Variants in SMURF1 observed in about 807,000 individuals in gnomAD.
The protein encoded by SMURF1 is SMAD specific E3 ubiquitin protein ligase 1.
In SMURF1, 44 loss-of-function variants were observed where a neutral mutation model predicts 98.0. The observed-to-expected ratio is 0.45, with a 90% CI of 0.35 to 0.58. SMURF1 has a LOEUF of 0.58. SMURF1 is among the 20% of genes least tolerant of loss of function. The pLI is 0.00. For synonymous variants in SMURF1, 396 were observed against 374.9 expected (o/e 1.06, Z -0.65); for missense variants, 687 against 938.4 (o/e 0.73, Z 3.50).
chr7:99,135,329 T>C (rs1563044889), intron 1 of SMURF1, among the ~76,000 whole-genome samples: 2 of 152,168 alleles, frequency 1.3e-5, no homozygotes, highest in Non-Finnish European at 2.9e-5. Context: ...TCTTCTCTCT[T>C]TTCTCTCCTC....
chr7:99,057,619 T>TTGAGATAGAA, intron 3 of SMURF1, 68 bp from the exon 4 acceptor site: 1 of 1,452,966 alleles, frequency 6.9e-7, no homozygotes, highest in Non-Finnish European at 9.0e-7. Context: ...TTTTTTTTTT[T>TTGAGATAGAA]TGAGATAGAA....
At chr7:99,039,193 CAAAAAAAAAAA>C (rs34106810) in intron 13 of SMURF1, among the ~76,000 whole-genome samples, 8 of 60,476 alleles carry the variant, frequency 1.3e-4, no homozygotes, top group South Asian at 6.5e-4. Flanking sequence ...GACTCTGTCT[CAAAAAAAAAAA>C]AAAAAAAAAA....
At chr7:99,039,352 T>G (rs924099022) in intron 13 of SMURF1, among the ~76,000 whole-genome samples, 2 of 151,986 alleles carry the variant, frequency 1.3e-5, no homozygotes, top group Admixed American at 6.5e-5. Flanking sequence ...TTCTTTTTCT[T>G]TCTTTTTTTT....
chr7:99,126,140 T>G (rs750519644), intron 1 of SMURF1, among the ~76,000 whole-genome samples: 6 of 152,202 alleles, frequency 3.9e-5, no homozygotes, highest in Non-Finnish European at 7.3e-5. Flanking sequence ...AGAGACAGTC[T>G]TTTTCAATAC....
intron 13 of SMURF1, among the ~76,000 whole-genome samples, chr7:99,039,360 T>C (rs1260589123): frequency 6.6e-6 from 1 of 151,978 alleles, no homozygotes. Context: ...CTTTCTTTTT[T>C]TTTGAGACAG....
intron 9 of SMURF1, 199 bp from the exon 10 acceptor site, chr7:99,048,081 A>C (rs990132665): frequency 1.7e-6 from 1 of 580,628 alleles, no homozygotes; most frequent in Non-Finnish European, 3.1e-6. Flanking sequence ...ATGTATGTCT[A>C]CAGTACCATA....
At chr7:99,127,860 G>A (rs1797779716) in intron 1 of SMURF1, among the ~76,000 whole-genome samples, 1 of 152,084 alleles carries the variant, frequency 6.6e-6, no homozygotes, top group Non-Finnish European at 1.5e-5. Context: ...GAGAGATCGT[G>A]GACTGGCTTG....
intron 9 of SMURF1, chr7:99,048,102 C>A: frequency 1.9e-6 from 1 of 528,516 alleles, no homozygotes; most frequent in Non-Finnish European, 3.4e-6. Context: ...AAGGAGGTAC[C>A]CCAGGCCGGG....
At chr7:99,037,403 A>C (rs141168800) in intron 14 of SMURF1, among the ~76,000 whole-genome samples, 1 of 152,082 alleles carries the variant, frequency 6.6e-6, no homozygotes, top group Admixed American at 6.6e-5. Context: ...ACACCTGGCT[A>C]ATTTTTGTAT....
intron 1 of SMURF1, among the ~76,000 whole-genome samples, chr7:99,127,526 TA>T (rs1023671942): frequency 4.6e-5 from 7 of 151,680 alleles, no homozygotes; most frequent in African/African-American, 7.3e-5. Context: ...ACCCCATCTC[TA>T]AAAAAAATTT....
At chr7:99,076,999 A>C (rs1480711381) in intron 1 of SMURF1, among the ~76,000 whole-genome samples, 1 of 151,710 alleles carries the variant, frequency 6.6e-6, no homozygotes, top group African/African-American at 2.4e-5. Context: ...ATAATAAAAA[A>C]AAAAACAAAA....
chr7:99,042,096 C>T, intron 12 of SMURF1, 22 bp downstream of exon 12: 1 of 1,570,418 alleles, frequency 6.4e-7, no homozygotes, highest in Non-Finnish European at 8.8e-7. Flanking sequence ...AATTCCCTAC[C>T]TCTTTGTTCA....
At chr7:99,060,731 C>T in intron 2 of SMURF1, 24 bp from the exon 3 acceptor site, 1 of 1,502,972 alleles carries the variant, frequency 6.7e-7, no homozygotes, top group Non-Finnish European at 9.2e-7. Flanking sequence ...GAGACCCACA[C>T]CTAGATGAGA....
At chr7:99,104,776 A>C (rs1191720032) in intron 1 of SMURF1, among the ~76,000 whole-genome samples, 1 of 152,156 alleles carries the variant, frequency 6.6e-6, no homozygotes, top group Non-Finnish European at 1.5e-5. Context: ...TTATATGAGG[A>C]GAGTAGGAAT....
intron 5 of SMURF1, among the ~76,000 whole-genome samples, chr7:99,055,961 G>A (rs1257593131): frequency 2.6e-5 from 4 of 151,720 alleles, no homozygotes; most frequent in East Asian, 1.9e-4. Context: ...GCAAGACTCC[G>A]TGTCAAAAAA....
intron 1 of SMURF1, among the ~76,000 whole-genome samples, chr7:99,095,793 GC>G (rs1796945062): frequency 6.6e-6 from 1 of 152,208 alleles, no homozygotes; most frequent in South Asian, 2.1e-4. Flanking sequence ...TGCTAGGGCT[GC>G]CATAACAAAG....
At chr7:99,034,189 G>A (rs1265001547) in intron 16 of SMURF1, among the ~76,000 whole-genome samples, 3 of 152,176 alleles carry the variant, frequency 2.0e-5, no homozygotes, top group Non-Finnish European at 2.9e-5. Flanking sequence ...AGGGCCTTCA[G>A]AGACCTCCTG....
intron 4 of SMURF1, 71 bp downstream of exon 4, chr7:99,057,347 C>G (rs2150534205): frequency 6.2e-7 from 1 of 1,606,010 alleles, no homozygotes. Context: ...ATTCAGCGAT[C>G]AAAACAAAAA....
chr7:99,087,968 A>G (rs1796720775), intron 1 of SMURF1, among the ~76,000 whole-genome samples: 1 of 152,040 alleles, frequency 6.6e-6, no homozygotes, highest in African/African-American at 2.4e-5. Context: ...AAAAAAAAAA[A>G]GTATTTGGCC....
Sources: allele counts gnomAD v4.1 joint callset (sites outside exome capture counted in the v4.1 genomes callset), GRCh38; gene constraint gnomAD v4.1.1; transcripts MANE v1.5; gene names NCBI Gene and HGNC (gene_info 2026-07-23, HGNC 2026-07-21).